SGCZ: variants seen among roughly 807,000 people sequenced by gnomAD.
The protein encoded by SGCZ is sarcoglycan zeta.
Under a neutral mutation model 41.3 loss-of-function variants are expected in SGCZ, and 40 were observed. The observed-to-expected ratio is 0.97, with a 90% CI of 0.75 to 1.26. The LOEUF is 1.26. Among genes scored for constraint, SGCZ ranks in the 50% most tolerant of loss-of-function variants. SGCZ has a pLI of 0.00. For synonymous variants in SGCZ, 206 were observed against 137.5 expected (o/e 1.50, Z -3.49); for missense variants, 552 against 369.8 (o/e 1.49, Z -4.04).
At chr8:14,857,361 A>G (rs1803578013) in intron 1 of SGCZ, among the ~76,000 whole-genome samples, 2 of 152,152 alleles carry the variant, frequency 1.3e-5, no homozygotes, top group African/African-American at 4.8e-5. Context: ...AGATAATGAG[A>G]TTACAGATGA....
intron 1 of SGCZ, among the ~76,000 whole-genome samples, chr8:15,182,615 T>G (rs575491412): frequency 6.6e-6 from 1 of 152,148 alleles, no homozygotes; most frequent in South Asian, 2.1e-4. Context: ...TTACCATGAA[T>G]GGAGCTTGCA....
At chr8:15,136,262 C>T (rs547890394) in intron 1 of SGCZ, among the ~76,000 whole-genome samples, 1 of 152,174 alleles carries the variant, frequency 6.6e-6, no homozygotes, top group Non-Finnish European at 1.5e-5. Context: ...CTTTCTGTGC[C>T]TCAACTGGCC....
At chr8:15,114,131 T>G (rs1388220431) in intron 1 of SGCZ, among the ~76,000 whole-genome samples, 1 of 152,234 alleles carries the variant, frequency 6.6e-6, no homozygotes, top group Non-Finnish European at 1.5e-5. Flanking sequence ...TCATCTAATC[T>G]GTCATTCTAA....
chr8:14,307,831 G>C (rs901195070), intron 3 of SGCZ, among the ~76,000 whole-genome samples: 1 of 152,186 alleles, frequency 6.6e-6, no homozygotes, highest in African/African-American at 2.4e-5. Context: ...GATGGCAAGG[G>C]TGATTTAGCA....
At chr8:14,840,916 T>C (rs1369724700) in intron 1 of SGCZ, among the ~76,000 whole-genome samples, 1 of 152,110 alleles carries the variant, frequency 6.6e-6, no homozygotes, top group Non-Finnish European at 1.5e-5. Flanking sequence ...TATTTTATTT[T>C]GGGACTCTAC....
At chr8:15,106,128 T>C (rs1205345656) in intron 1 of SGCZ, among the ~76,000 whole-genome samples, 1 of 152,174 alleles carries the variant, frequency 6.6e-6, no homozygotes, top group African/African-American at 2.4e-5. Flanking sequence ...TTTAAAAATA[T>C]TCTTTGGTTA....
chr8:14,698,989 T>C (rs1389838605), intron 1 of SGCZ, among the ~76,000 whole-genome samples: 2 of 151,728 alleles, frequency 1.3e-5, no homozygotes, highest in Non-Finnish European at 2.9e-5. Context: ...AATACGGTAA[T>C]AAACTATGAT....
At chr8:14,622,192 G>A (rs139617463) in intron 1 of SGCZ, among the ~76,000 whole-genome samples, 8 of 152,226 alleles carry the variant, frequency 5.3e-5, no homozygotes, top group South Asian at 2.1e-4. Flanking sequence ...GAATTTGCAC[G>A]GAAACCTTGA....
intron 1 of SGCZ, among the ~76,000 whole-genome samples, chr8:15,119,438 G>C (rs983481457): frequency 6.6e-6 from 1 of 151,810 alleles, no homozygotes; most frequent in African/African-American, 2.4e-5. Context: ...GCTGAAGTGG[G>C]AGGATCACTT....
At chr8:14,442,722 A>G (rs1259350093) in intron 2 of SGCZ, among the ~76,000 whole-genome samples, 2 of 152,102 alleles carry the variant, frequency 1.3e-5, no homozygotes, top group South Asian at 2.1e-4. Flanking sequence ...AGTTTCTCCA[A>G]CATCTTCTGA....
Position 15,132,735 on chromosome 8 carries a change from T to C in SGCZ, c.39+104850A>G, listed in dbSNP as rs1012600512. 5.3e-5 allele frequency among the ~76,000 whole-genome samples: 8 copies of C among 152,330 alleles called. No homozygotes were observed. In the South Asian group the frequency reaches 8.3e-4, roughly 16 times the overall value. On this transcript the variant is annotated intron_variant, in intron 1 of 7. Transcript: ENST00000382080. The stretch of plus-strand genomic sequence containing the variant: ...TTTGGTAGCTTGAGATTAGTCATTA[T>C]TGGCATGTGTTTACACCATGGCAGT...
intron 2 of SGCZ, among the ~76,000 whole-genome samples, chr8:14,450,650 G>C (rs1800566256): frequency 6.6e-6 from 1 of 152,154 alleles, no homozygotes. Context: ...ATGTGTGCCA[G>C]TCAGTAAAAC....
chr8:14,348,509 C>T (rs754745269), intron 2 of SGCZ, among the ~76,000 whole-genome samples: 2 of 151,966 alleles, frequency 1.3e-5, no homozygotes, highest in African/African-American at 2.4e-5. Context: ...GTCTCTAATC[C>T]CATAGATTGA....
At chr8:14,544,364 A>G (rs1231071155) in intron 2 of SGCZ, among the ~76,000 whole-genome samples, 3 of 152,130 alleles carry the variant, frequency 2.0e-5, no homozygotes, top group African/African-American at 7.2e-5. Flanking sequence ...CACCTTGAAA[A>G]ATAACAGAAT....
At chr8:14,554,261 T>G (rs1330554057) in intron 2 of SGCZ, among the ~76,000 whole-genome samples, 1 of 152,070 alleles carries the variant, frequency 6.6e-6, no homozygotes, top group Non-Finnish European at 1.5e-5. Context: ...AATTCCAGGC[T>G]TTCAGATTCA....
chr8:14,608,674 G>A (rs1485243370), intron 1 of SGCZ, among the ~76,000 whole-genome samples: 1 of 151,810 alleles, frequency 6.6e-6, no homozygotes, highest in Non-Finnish European at 1.5e-5. Context: ...AAGCTGTTTG[G>A]GTCATGGGGG....
intron 1 of SGCZ, among the ~76,000 whole-genome samples, chr8:15,210,160 T>G (rs1213142346): frequency 6.6e-6 from 1 of 152,076 alleles, no homozygotes; most frequent in Non-Finnish European, 1.5e-5. Flanking sequence ...TTCAGAAAGG[T>G]AGAAAGAATT....
chr8:14,726,445 T>C (rs573601897), intron 1 of SGCZ, among the ~76,000 whole-genome samples: 397 of 150,938 alleles, frequency 2.6e-3, no homozygotes, highest in African/African-American at 9.1e-3. Flanking sequence ...TCATATACTT[T>C]ATGTAAGTCA....
intron 4 of SGCZ, among the ~76,000 whole-genome samples, chr8:14,171,254 A>C (rs923558187): frequency 6.7e-6 from 1 of 149,574 alleles, no homozygotes; most frequent in African/African-American, 2.5e-5. Flanking sequence ...GTAGTTTTGC[A>C]TAAGTTGTTC....
Sources: gnomAD v4.1 joint callset for allele counts (sites outside exome capture counted in the v4.1 genomes callset) on GRCh38, gnomAD v4.1.1 for gene constraint, MANE v1.5 for transcripts, NCBI Gene and HGNC (gene_info 2026-07-23, HGNC 2026-07-21) for gene names.